Variants in ADAM18 observed in about 807,000 individuals in gnomAD.
ADAM18 encodes ADAM metallopeptidase domain 18.
Under a neutral mutation model 94.4 loss-of-function variants are expected in ADAM18, and 117 were observed. The observed-to-expected ratio is 1.24, with a 90% CI of 1.07 to 1.45. ADAM18 has a LOEUF of 1.45. ADAM18 is among the 40% of genes most tolerant of loss of function. ADAM18 has a pLI of 0.00. For missense variants in ADAM18, 936 were observed against 880.0 expected, an observed-to-expected ratio of 1.06 and a Z score of -0.81; for synonymous variants, 327 against 291.6, an observed-to-expected ratio of 1.12 and a Z score of -1.24.
intron 12 of ADAM18, among the ~76,000 whole-genome samples, chr8:39,653,247 CAT>C (rs1563292240): frequency 6.6e-6 from 1 of 152,056 alleles, no homozygotes; most frequent in Non-Finnish European, 1.5e-5. Context: ...TGTATCAAAA[CAT>C]CATGCTGTAC....
chr8:39,661,154 C>CTTTTTT (rs34697066), intron 12 of ADAM18, among the ~76,000 whole-genome samples: 7 of 116,784 alleles, frequency 6.0e-5, no homozygotes, highest in Non-Finnish European at 1.0e-4. Flanking sequence ...TCTTCTTCTT[C>CTTTTTT]TTTTTTTTTT....
chr8:39,624,544 G>A (rs1163719741), intron 6 of ADAM18, among the ~76,000 whole-genome samples: 1 of 152,146 alleles, frequency 6.6e-6, no homozygotes, highest in African/African-American at 2.4e-5. Flanking sequence ...ATTTTGGTTA[G>A]TAAAGTTTGT....
At chr8:39,720,461 ATC>A (rs1178417458) in intron 18 of ADAM18, among the ~76,000 whole-genome samples, 1 of 151,404 alleles carries the variant, frequency 6.6e-6, no homozygotes, top group Non-Finnish European at 1.5e-5. Context: ...CATGTCAATC[ATC>A]TCTCAGTAAA....
rs1449031684 is a variant in ADAM18, at chr8:39,668,111, C to T, written c.1440C>T (p.Gly480=). The change falls in exon 14 of 20, where the codon GGC becomes GGT. Residue 480 remains glycine, a synonymous_variant. Transcript: ENST00000265707. The part of the protein sequence containing the change: ...NCVPDTYALN[G]RLCKLGTAYC... ...TTCCTGACACTTATGCATTGAATGG[C>T]CGTTTGTGCAAGTTGGGAACTGCCT... 3.1e-6 allele frequency: 5 copies of T among 1,614,074 alleles called. No individual in the cohort carries two copies. In the South Asian group the frequency reaches 4.4e-5, roughly 14 times the overall value.
rs137887423 is a variant in ADAM18, at chr8:39,729,520, G to A, written c.2178-378G>A. Among the ~76,000 whole-genome samples the A allele has an allele frequency of 4.9e-4, 75 of 152,048 alleles. 4 individuals are homozygous for A. In the East Asian group the frequency reaches 0.011, roughly 23 times the overall value. On this transcript the variant is annotated intron_variant, in intron 19 of 19. Coordinates refer to ENST00000265707, the MANE Select transcript of ADAM18 (RefSeq NM_014237.3). Reference sequence around the variant, plus strand: ...TTTTATTTTGTCTCCCTAAGCTGTAGGTTTTTCTAAGAAACAAAGTGTATA... The same window carrying A: ...TTTTATTTTGTCTCCCTAAGCTGTAAGTTTTTCTAAGAAACAAAGTGTATA...
intron 14 of ADAM18, among the ~76,000 whole-genome samples, chr8:39,672,981 A>G (rs1053449929): frequency 6.6e-6 from 1 of 152,168 alleles, no homozygotes; most frequent in Non-Finnish European, 1.5e-5. Flanking sequence ...CCTAGTGTAT[A>G]TAATTGGAGT....
chr8:39,633,426 T>C (rs2129579183), intron 7 of ADAM18, among the ~76,000 whole-genome samples: 1 of 152,290 alleles, frequency 6.6e-6, no homozygotes, highest in Non-Finnish European at 1.5e-5. Context: ...TGAATCTTTT[T>C]AGAGATTAGT....
intron 5 of ADAM18, among the ~76,000 whole-genome samples, chr8:39,610,112 C>T (rs185086413): frequency 6.6e-6 from 1 of 152,076 alleles, no homozygotes; most frequent in South Asian, 2.1e-4. Context: ...TGAGTCACAT[C>T]AACTCAGAAA....
intron 2 of ADAM18, among the ~76,000 whole-genome samples, chr8:39,597,939 AT>A (rs1279948135): frequency 7.9e-5 from 12 of 152,298 alleles, no homozygotes; most frequent in African/African-American, 2.9e-4. Context: ...CTTAGTTCTT[AT>A]TTAATTTTTT....
chr8:39,678,847 G>A (rs191694010), intron 15 of ADAM18, among the ~76,000 whole-genome samples: 127 of 152,220 alleles, frequency 8.3e-4, no homozygotes, highest in Admixed American at 1.3e-3. Context: ...AGCATACATC[G>A]TCTGATCTAA....
intron 6 of ADAM18, among the ~76,000 whole-genome samples, chr8:39,619,496 A>G (rs1819544131): frequency 6.6e-6 from 1 of 152,228 alleles, no homozygotes; most frequent in Non-Finnish European, 1.5e-5. Flanking sequence ...GGATAAAACT[A>G]GAAATCAATT....
At chr8:39,588,601 T>C (rs1818477820) in intron 2 of ADAM18, among the ~76,000 whole-genome samples, 1 of 151,684 alleles carries the variant, frequency 6.6e-6, no homozygotes, top group Non-Finnish European at 1.5e-5. Flanking sequence ...TAAGTATACA[T>C]ATGGAAGCCA....
At chr8:39,690,648 C>T (rs973535019) in intron 16 of ADAM18, among the ~76,000 whole-genome samples, 1 of 152,012 alleles carries the variant, frequency 6.6e-6, no homozygotes, top group Non-Finnish European at 1.5e-5. Context: ...CATTTTTTGT[C>T]ATCCCAAACT....
chr8:39,624,729 C>T (rs1250994731), intron 6 of ADAM18, among the ~76,000 whole-genome samples: 1 of 152,156 alleles, frequency 6.6e-6, no homozygotes, highest in East Asian at 1.9e-4. Flanking sequence ...GGCTTAACAC[C>T]ATCCTCCTAG....
At chr8:39,645,689 C>T (rs186948003) in intron 11 of ADAM18, among the ~76,000 whole-genome samples, 19 of 152,242 alleles carry the variant, frequency 1.2e-4, no homozygotes, top group African/African-American at 3.8e-4. Flanking sequence ...ACATCACTGA[C>T]ATCGCATTCA....
intron 18 of ADAM18, among the ~76,000 whole-genome samples, chr8:39,709,335 A>C (rs1057244613): frequency 2.6e-5 from 4 of 152,202 alleles, no homozygotes; most frequent in African/African-American, 9.7e-5. Context: ...GTCAAGCCAT[A>C]GTCCCTGACG....
chr8:39,676,520 G>A (rs1484990549), intron 14 of ADAM18, among the ~76,000 whole-genome samples: 1 of 152,212 alleles, frequency 6.6e-6, no homozygotes, highest in African/African-American at 2.4e-5. Flanking sequence ...TATTTGGGTA[G>A]GAGTGCCCCA....
chr8:39,710,815 G>A (rs1225458085), intron 18 of ADAM18, among the ~76,000 whole-genome samples: 1 of 152,162 alleles, frequency 6.6e-6, no homozygotes, highest in Non-Finnish European at 1.5e-5. Context: ...AAATGACAGA[G>A]CAGAAAATAA....
At position 39,706,837 on chromosome 8, in the gene ADAM18, T is replaced by A; in HGVS notation, c.1950T>A (p.Pro650=). ...GTCAATGCTTCCCTGGACATAGACC[T>A]CCAGATTGTAAATTCCAGTTTGGTT... ...GNCQCFPGHR[P]PDCKFQFGSP... Residue 650 remains proline (P), a synonymous_variant, in exon 18 of 20, where the codon CCT becomes CCA. Transcript: ENST00000265707. The A allele has an allele frequency of 6.2e-7, 1 of 1,611,210 alleles. No homozygotes were observed. The highest frequency in any genetic ancestry group is 8.5e-7 in the Non-Finnish European group (1 of 1,177,990).
Sources: gnomAD v4.1 joint callset for allele counts (sites outside exome capture counted in the v4.1 genomes callset) on GRCh38, gnomAD v4.1.1 for gene constraint, MANE v1.5 for transcripts, NCBI Gene and HGNC (gene_info 2026-07-23, HGNC 2026-07-21) for gene names.